The following TAF1C variants were observed in gnomAD, a reference collection of about 807,000 sequenced individuals.
TAF1C encodes TATA box-binding protein-associated factor RNA polymerase I subunit C.
In TAF1C, 79 loss-of-function variants were observed where a neutral mutation model predicts 70.5. The observed-to-expected ratio is 1.12, with a 90% CI of 0.93 to 1.35. The LOEUF (loss-of-function observed/expected upper bound fraction) is 1.35. TAF1C is among the 40% of genes most tolerant of loss of function. The pLI, the probability that TAF1C is intolerant of heterozygous loss-of-function variation, is 0.00. For synonymous variants in TAF1C, 614 were observed against 491.1 expected (o/e 1.25, Z -3.31); for missense variants, 1,412 against 1,127.8 (o/e 1.25, Z -3.61).
In TAF1C at chr16:84,182,524, G is replaced by A; in HGVS notation, c.483-84C>T. On this transcript the variant is annotated intron_variant, in intron 6 of 14. Transcript: ENST00000566732. This position sits in a 1 kb window ranked among gnomAD's most constrained non-coding sequence, Gnocchi z 5.0. ...CATCCCAAGGAGGCCAAGTGCAGTG[G>A]ACACATTTCTTATTTACCTAGAATT... The A allele has an allele frequency of 8.0e-7, 1 of 1,253,336 alleles. No individual in the cohort carries two copies. Among genetic ancestry groups the A allele is most frequent in the Non-Finnish European group, 1.1e-6 (1 of 915,240 alleles). 77.6% of individuals were successfully genotyped at this position (1,253,336 alleles called of 1,614,324 possible).
rs1286244733 is a variant in TAF1C at position 84,183,426 on chromosome 16, A to G, written c.302T>C (p.Leu101Pro). 5 of 1,612,802 alleles carry G rather than the reference A, an allele frequency of 3.1e-6. No homozygotes were observed. The highest frequency in any genetic ancestry group is 2.5e-6 in the Non-Finnish European group (3 of 1,179,402). Reference protein sequence around the residue: ...CRYRKRPRVVLDVTEQISRFL... With the variant: ...CRYRKRPRVVPDVTEQISRFL... Reference sequence around the variant, plus strand: ...CCCACTCACCTGCTCAGTCACATCCAGCACGACTCGGGGCCGCTTCCGATA... The same window carrying G: ...CCCACTCACCTGCTCAGTCACATCCGGCACGACTCGGGGCCGCTTCCGATA... The change falls in exon 4 of 15, where the codon CTG becomes CCG. Residue 101 changes from leucine (L) to proline (P), a missense_variant. Transcript: ENST00000566732.
chr16:84,183,363 GCA>G (rs2089308656), intron 4 of TAF1C, 30 bp from the exon 5 acceptor site: 6 of 1,613,756 alleles, frequency 3.7e-6, no homozygotes, highest in Non-Finnish European at 5.1e-6. Context: ...AGGTCACTAA[GCA>G]CAGTCTCCAG....
chr16:84,184,769 G>C (rs2089390366), intron 2 of TAF1C, 82 bp downstream of exon 2: 1 of 1,487,390 alleles, frequency 6.7e-7, no homozygotes, highest in Non-Finnish European at 9.0e-7. Flanking sequence ...CTGTGGCCTT[G>C]TCAACTGATG....
At chr16:84,184,321 C>T (rs1391887264) in intron 2 of TAF1C, among the ~76,000 whole-genome samples, 1 of 152,204 alleles carries the variant, frequency 6.6e-6, no homozygotes, top group East Asian at 1.9e-4. Context: ...TCCACTGTCT[C>T]TCTTTTTATT....
rs749363736 is a variant in TAF1C, at chr16:84,181,067, A to AG, written c.1283dup (p.Thr429TyrfsTer98). On this transcript the variant is annotated frameshift_variant, in exon 12 of 15. Coordinates refer to ENST00000566732, the MANE Select transcript of TAF1C (RefSeq NM_001243156.2). LOFTEE classifies it high-confidence loss of function. ...CCTGGGTACAGACGAGATGAAGAGT[A>AG]GGGGGGAGGCATTTGGGGCTGGAGT... The AG allele has an allele frequency of 2.5e-6, 4 of 1,611,424 alleles. No homozygotes were observed. The highest frequency in any genetic ancestry group is 2.5e-6 in the Non-Finnish European group (3 of 1,178,042).
intron 2 of TAF1C, among the ~76,000 whole-genome samples, chr16:84,184,313 C>T (rs2089367876): frequency 1.3e-5 from 2 of 152,192 alleles, no homozygotes. Flanking sequence ...GCCTCTGCTC[C>T]ACTGTCTCTC....
chr16:84,186,140 A>G (rs2089474080), intron 1 of TAF1C, among the ~76,000 whole-genome samples: 1 of 152,260 alleles, frequency 6.6e-6, no homozygotes, highest in Non-Finnish European at 1.5e-5. Context: ...TTAGTCCAAC[A>G]GCTCTTAGCT....
rs540166730 is a variant in TAF1C at position 84,185,010 on chromosome 16, C to A, written c.-22G>T. ...CCATCCTGGAAACAAGGACCAAGCA[C>A]CACACTGGCCACCTCGAGAGACTGG... On this transcript the variant is annotated 5_prime_UTR_variant, in exon 2 of 15. Transcript: ENST00000566732. The A allele has an allele frequency of 3.1e-6, 5 of 1,608,982 alleles. No individual in the cohort carries two copies. The African/African-American group carries it at 6.7e-5, about 21-fold the overall frequency.
intron 3 of TAF1C, 81 bp from the exon 4 acceptor site, chr16:84,183,588 G>T (rs1221518524): frequency 1.9e-6 from 3 of 1,542,152 alleles, no homozygotes; most frequent in Non-Finnish European, 2.7e-6. Flanking sequence ...GTATCCAAGG[G>T]TCCTGAGCAG....
Position 84,178,001 on chromosome 16 carries a change from CTT to C in TAF1C, c.*938_*939del. On this transcript the variant is annotated 3_prime_UTR_variant, in exon 15 of 15. Transcript: ENST00000566732. ...TTCACCAGCCAACCTGAAAAAAGAC[CTT>C]TCTCTTACTATGTCATCAGAAACCA... 1 of 680,120 alleles carries C rather than the reference CTT, an allele frequency of 1.5e-6. No homozygotes were observed. The highest frequency in any genetic ancestry group is 2.6e-6 in the Non-Finnish European group (1 of 377,566). 42.1% of individuals were successfully genotyped at this position (680,120 alleles called of 1,614,324 possible).
In TAF1C at chr16:84,179,374, G is replaced by T. The variant is rs150130150; in HGVS notation, c.2099C>A (p.Ala700Glu). 3 of 1,599,656 alleles carry T rather than the reference G, an allele frequency of 1.9e-6. No homozygotes were observed. The highest frequency in any genetic ancestry group is 1.7e-6 in the Non-Finnish European group (2 of 1,178,660). The change falls in exon 15 of 15, where the codon GCA (alanine) becomes GAA (glutamate). Residue 700 changes from alanine (A) to glutamate (E), a missense_variant. By Grantham distance (107) the Ala-to-Glu change is moderately radical. Coordinates refer to ENST00000566732, the MANE Select transcript of TAF1C (RefSeq NM_001243156.2). Reference protein sequence around the residue: ...KLSERLGEAWAGRGAAWWERQ... With the variant: ...KLSERLGEAWEGRGAAWWERQ... ...CTCCCACCAGGCAGCCCCTCGGCCTGCCCAGGCTTCCCCCAGGCGCTCACT... is the reference window on the plus strand; with the variant it reads ...CTCCCACCAGGCAGCCCCTCGGCCTTCCCAGGCTTCCCCCAGGCGCTCACT...
Position 84,181,783 on chromosome 16 carries a change from T to C in TAF1C, c.919A>G (p.Met307Val). 3.1e-6 allele frequency: 5 copies of C among 1,614,040 alleles called. No individual in the cohort carries two copies. The highest frequency in any genetic ancestry group is 4.2e-6 in the Non-Finnish European group (5 of 1,179,970). ...KQWQPTLLQAMQVEKGATGIS... is the reference protein window; with the variant it reads ...KQWQPTLLQAVQVEKGATGIS... ...CCCGTGGCCCCTTTCTCCACCTGCATTGCCTGCAGAAGGGTTGGCTGCCAC... is the reference window on the plus strand; with the variant it reads ...CCCGTGGCCCCTTTCTCCACCTGCACTGCCTGCAGAAGGGTTGGCTGCCAC... The change falls in exon 9 of 15, where the codon ATG (methionine) becomes GTG (valine). Residue 307 changes from methionine (M) to valine (V), a missense_variant. Coordinates refer to ENST00000566732, the MANE Select transcript of TAF1C (RefSeq NM_001243156.2).
intron 1 of TAF1C, chr16:84,185,471 T>A (rs2089430868): frequency 6.5e-6 from 1 of 153,604 alleles, no homozygotes; most frequent in Admixed American, 6.5e-5. Flanking sequence ...GTAAGTACCG[T>A]CATCATACAT....
chr16:84,182,968 CA>C lies in TAF1C; in HGVS notation c.482+107del. On this transcript the variant is annotated intron_variant, in intron 6 of 14. Transcript: ENST00000566732. This position sits in a 1 kb window ranked among gnomAD's most constrained non-coding sequence, Gnocchi z 5.0. ...AAAGTACAGCTCAGACTGCATGGAG[CA>C]GGGGGGAAGTGGGTATGACGGAAAG... The C allele has an allele frequency of 9.2e-7, 1 of 1,088,944 alleles. No homozygotes were observed. The allele number at this position is 1,088,944 out of a possible 1,614,324, so 67.5% of individuals were successfully genotyped here.
rs2088826581 is a variant in TAF1C, at chr16:84,177,886, C to G, written c.*1055G>C. On this transcript the variant is annotated 3_prime_UTR_variant, in exon 15 of 15. Transcript: ENST00000566732. Reference sequence around the variant, plus strand: ...GCATAAATGGTTTAATCATAAATGTCTCCCTTAGGCATGATAAACATTTTA... The same window carrying G: ...GCATAAATGGTTTAATCATAAATGTGTCCCTTAGGCATGATAAACATTTTA... The G allele has an allele frequency of 2.7e-6, 4 of 1,484,080 alleles. No homozygotes were observed. In the African/African-American group the frequency reaches 5.5e-5, roughly 21 times the overall value. The allele number at this position is 1,484,080 out of a possible 1,614,324, so 91.9% of individuals were successfully genotyped here.
intron 12 of TAF1C, 24 bp downstream of exon 12, chr16:84,181,019 G>C (rs762328353): frequency 1.9e-6 from 3 of 1,585,560 alleles, no homozygotes; most frequent in Non-Finnish European, 2.6e-6. Context: ...GAGGTGGGGC[G>C]GGGCGGTGTT....
Position 84,180,043 on chromosome 16 carries a change from C to T in TAF1C, c.1524G>A (p.Gln508=), listed in dbSNP as rs1567586752. 3 of 1,607,480 alleles carry T rather than the reference C, an allele frequency of 1.9e-6. No homozygotes were observed. Among genetic ancestry groups the T allele is most frequent in the Admixed American group, 3.4e-5 (2 of 59,010 alleles). ...ASVPRLAGPP[Q]SLPSRIDSLP... ...GGGAGTCGATCCTGGAAGGAAGAGA[C>T]TGGGGGGGGCCTGCCAGGCGGGGCA... is the stretch of plus-strand genomic sequence containing the variant. The change falls in exon 14 of 15, where the codon CAG becomes CAA. Residue 508 remains glutamine, a synonymous_variant. Transcript: ENST00000566732.
In TAF1C at chr16:84,181,629, G is replaced by T. The variant is rs752689490; in HGVS notation, c.991C>A (p.Arg331Ser). 2 of 1,613,660 alleles carry T rather than the reference G, an allele frequency of 1.2e-6. No homozygotes were observed. Among genetic ancestry groups the T allele is most frequent in the South Asian group, 2.2e-5 (2 of 91,082 alleles). The change falls in exon 10 of 15, where the codon CGC becomes AGC. Residue 331 changes from arginine (R) to serine (S), a missense_variant. Transcript: ENST00000566732. ...HLPGELAICSRSGAVCLWSPE... is the reference protein window; with the variant it reads ...HLPGELAICSSSGAVCLWSPE... ...CTCCACAGGCAGACGGCTCCCGAGC[G>T]GCTGCAGATGGCCAGCTCCCCGGGC...
chr16:84,183,740 C>T lies in TAF1C; in HGVS notation c.177G>A (p.Glu59=), dbSNP rs2151310407. 6.2e-7 allele frequency: 1 copy of T among 1,613,154 alleles called. No homozygotes were observed. Among genetic ancestry groups the T allele is most frequent in the East Asian group, 2.2e-5 (1 of 44,840 alleles). The part of the protein sequence containing the change: ...ALHVTKDLLW[E]PATPGPLPML... ...TGGGGAGAGGCCCAGGGGTTGCCGGCTCCCACAGCAGGTCCTTGGTCACAT... is the reference window on the plus strand; with the variant it reads ...TGGGGAGAGGCCCAGGGGTTGCCGGTTCCCACAGCAGGTCCTTGGTCACAT... The change falls in exon 3 of 15, where the codon GAG becomes GAA. Residue 59 remains glutamate (E), a synonymous_variant. Coordinates refer to ENST00000566732, the MANE Select transcript of TAF1C (RefSeq NM_001243156.2).
Sources: allele counts gnomAD v4.1 joint callset (sites outside exome capture counted in the v4.1 genomes callset), GRCh38; gene constraint gnomAD v4.1.1; non-coding constraint Gnocchi (gnomAD v3.1); transcripts MANE v1.5; gene names NCBI Gene and HGNC (gene_info 2026-07-23, HGNC 2026-07-21).